Variants in HMGCLL1 observed in about 807,000 individuals in gnomAD.
HMGCLL1 encodes the protein 3-hydroxy-3-methylglutaryl-CoA lyase like 1, also known as 3-hydroxymethyl-3-methylglutaryl-CoA lyase, cytoplasmic.
In HMGCLL1, 36 loss-of-function variants were observed where a neutral mutation model predicts 39.1. That is an observed-to-expected ratio of 0.92 (90% CI 0.71 to 1.22). The LOEUF is 1.22. Ranked by LOEUF, HMGCLL1 falls within the 50% of genes most tolerant of loss-of-function variation. The pLI is 0.00. For missense variants in HMGCLL1, 451 were observed against 416.5 expected (o/e 1.08, Z -0.72); for synonymous variants, 149 against 144.0 (o/e 1.03, Z -0.25).
intron 5 of HMGCLL1, among the ~76,000 whole-genome samples, chr6:55,502,837 T>C (rs1291670276): frequency 6.6e-6 from 1 of 151,676 alleles, no homozygotes; most frequent in African/African-American, 2.4e-5. Context: ...CTGAATTTTA[T>C]TTTTCTCATC....
At chr6:55,516,452 T>C (rs1767740365) in intron 4 of HMGCLL1, 56 bp downstream of exon 4, 1 of 1,131,926 alleles carries the variant, frequency 8.8e-7, no homozygotes, top group Non-Finnish European at 1.3e-6. Context: ...ACTTTGTAAA[T>C]ATCTTTAAAA....
intron 7 of HMGCLL1, among the ~76,000 whole-genome samples, chr6:55,490,261 C>T (rs1389548066): frequency 6.6e-6 from 1 of 152,064 alleles, no homozygotes; most frequent in African/African-American, 2.4e-5. Context: ...GTATATTATT[C>T]CCTGTGCCTA....
upstream of HMGCLL1, among the ~76,000 whole-genome samples, chr6:55,583,645 A>G (rs1243670918): frequency 6.6e-6 from 1 of 152,060 alleles, no homozygotes; most frequent in South Asian, 2.1e-4. Context: ...GAATAGTGCC[A>G]CAATAAACAT....
the HMGCLL1 span, among the ~76,000 whole-genome samples, chr6:55,634,259 G>A: frequency 2.0e-4 from 30 of 152,058 alleles, no homozygotes; most frequent in Non-Finnish European, 4.4e-4. Context: ...TGCTGAAAAT[G>A]TGTGTGGAGG....
At chr6:55,472,971 G>T (rs534829336) in intron 7 of HMGCLL1, among the ~76,000 whole-genome samples, 1 of 151,370 alleles carries the variant, frequency 6.6e-6, no homozygotes, top group Admixed American at 6.6e-5. Context: ...CTTGGATAAT[G>T]TATTTATCAT....
intron 6 of HMGCLL1, among the ~76,000 whole-genome samples, chr6:55,497,505 G>A (rs1427648431): frequency 6.6e-6 from 1 of 152,120 alleles, no homozygotes; most frequent in African/African-American, 2.4e-5. Flanking sequence ...GGATATAATG[G>A]GGAAATGAAT....
chr6:55,465,663 CA>C (rs970930107), intron 7 of HMGCLL1, among the ~76,000 whole-genome samples: 6 of 151,844 alleles, frequency 4.0e-5, no homozygotes, highest in Non-Finnish European at 8.8e-5. Context: ...TATTATAAGA[CA>C]GTGTTTAGTT....
At chr6:55,533,393 C>A (rs1271461531) in intron 3 of HMGCLL1, among the ~76,000 whole-genome samples, 1 of 151,938 alleles carries the variant, frequency 6.6e-6, no homozygotes, top group African/African-American at 2.4e-5. Flanking sequence ...AACACGGCAA[C>A]TTAAAATAAT....
At chr6:55,558,718 C>T (rs1477701339) in intron 1 of HMGCLL1, among the ~76,000 whole-genome samples, 1 of 152,164 alleles carries the variant, frequency 6.6e-6, no homozygotes, top group African/African-American at 2.4e-5. Context: ...GCTTTTTCCA[C>T]TTTCTTTTCC....
chr6:55,624,093 A>G, the HMGCLL1 span, among the ~76,000 whole-genome samples: 1 of 152,152 alleles, frequency 6.6e-6, no homozygotes, highest in African/African-American at 2.4e-5. Context: ...TCCCCAGTGC[A>G]TGCTTACCCA....
At chr6:55,477,387 A>AGATAATATATATTATATT (rs1250328350) in intron 7 of HMGCLL1, among the ~76,000 whole-genome samples, 1 of 18,418 alleles carries the variant, frequency 5.4e-5, no homozygotes, top group Non-Finnish European at 7.8e-5. Flanking sequence ...TATATTATCT[A>AGATAATATATATTATATT]AATATAATAT....
chr6:55,612,244 T>G, the HMGCLL1 span, among the ~76,000 whole-genome samples: 3 of 152,082 alleles, frequency 2.0e-5, no homozygotes, highest in Admixed American at 2.0e-4. Flanking sequence ...TAACAAGGGA[T>G]GCCAAGGGCC....
In HMGCLL1 at chr6:55,569,049, T is replaced by C. The variant is rs149052683; in HGVS notation, c.108+9899A>G. Among the ~76,000 whole-genome samples, 6 of 152,054 alleles carry C rather than the reference T, an allele frequency of 3.9e-5. No homozygotes were observed. In the East Asian group the frequency reaches 7.7e-4, roughly 20 times the overall value. ...AAAGATGTGAAAGCCAGCTGGAATC[T>C]GAGAAAGCAAGAAATACAGGAGCCA... On this transcript the variant is annotated intron_variant, in intron 1 of 8. Coordinates refer to ENST00000274901, the MANE Select transcript of HMGCLL1 (RefSeq NM_001042406.2).
At chr6:55,514,913 T>G (rs1767655442) in intron 4 of HMGCLL1, among the ~76,000 whole-genome samples, 1 of 152,130 alleles carries the variant, frequency 6.6e-6, no homozygotes. Flanking sequence ...GTTAATGTAT[T>G]TCTAGCACTT....
chr6:55,605,234 T>A, the HMGCLL1 span, among the ~76,000 whole-genome samples: 1 of 152,202 alleles, frequency 6.6e-6, no homozygotes, highest in Non-Finnish European at 1.5e-5. Context: ...TAACTCTGCC[T>A]GTCTGTATTA....
At chr6:55,529,102 G>A (rs1768488880) in intron 3 of HMGCLL1, among the ~76,000 whole-genome samples, 1 of 152,044 alleles carries the variant, frequency 6.6e-6, no homozygotes, top group Admixed American at 6.6e-5. Flanking sequence ...GTTATTATTT[G>A]TTCAGGTTAA....
chr6:55,672,566 G>A, the HMGCLL1 span, among the ~76,000 whole-genome samples: 1 of 151,800 alleles, frequency 6.6e-6, no homozygotes, highest in Non-Finnish European at 1.5e-5. Context: ...TTTCCAGTTC[G>A]AGGGTATGTA....
At chr6:55,634,973 G>A in the HMGCLL1 span, among the ~76,000 whole-genome samples, 4,459 of 152,148 alleles carry the variant, frequency 0.029, 235 homozygotes, top group African/African-American at 0.1. Flanking sequence ...GATTTTTCAA[G>A]TAAATAAATC....
chr6:55,678,627 TAAA>T, the HMGCLL1 span, among the ~76,000 whole-genome samples: 3 of 152,028 alleles, frequency 2.0e-5, no homozygotes, highest in African/African-American at 7.2e-5. Context: ...AGCAGTTAGT[TAAA>T]AACAAAAACA....
Sources: gnomAD v4.1 joint callset for allele counts (sites outside exome capture counted in the v4.1 genomes callset) on GRCh38, gnomAD v4.1.1 for gene constraint, MANE v1.5 for transcripts, NCBI Gene and HGNC (gene_info 2026-07-23, HGNC 2026-07-21) for gene names.